The following COPS4 variants were observed in gnomAD, a reference collection of about 807,000 sequenced individuals.
COPS4 encodes COP9 signalosome subunit 4.
A neutral mutation model predicts 55.1 loss-of-function variants in COPS4; 8 were observed. That is an observed-to-expected ratio of 0.15 (90% confidence interval 0.09 to 0.26). COPS4 has a LOEUF of 0.26. COPS4 is among the 10% of genes least tolerant of loss of function. The probability of loss-of-function intolerance (pLI) is 1.00; values close to 1 mark genes in which losing one functional copy is unlikely to be tolerated. For synonymous variants in COPS4, 185 were observed against 165.7 expected (o/e 1.12, Z -0.90); for missense variants, 248 against 484.0 (o/e 0.51, Z 4.58).
Position 83,045,797 on chromosome 4 carries a change from A to G in COPS4, c.154+92A>G, listed in dbSNP as rs556820425. The G allele has an allele frequency of 3.2e-5, 23 of 715,376 alleles. No individual in the cohort carries two copies. The Admixed American group carries it at 3.4e-4, about 10-fold the overall frequency. 44.3% of individuals were successfully genotyped at this position (715,376 alleles called of 1,614,324 possible). The stretch of plus-strand genomic sequence containing the variant: ...CCTTGTTTTGTATCAAATTATCAAT[A>G]TTAAATATGCATTGAGATTGATTGA... On this transcript the variant is annotated intron_variant, in intron 2 of 9. Coordinates refer to ENST00000264389, the MANE Select transcript of COPS4 (RefSeq NM_016129.3).
intron 2 of COPS4, among the ~76,000 whole-genome samples, chr4:83,048,866 C>G (rs531189739): frequency 6.6e-6 from 1 of 151,986 alleles, no homozygotes; most frequent in Non-Finnish European, 1.5e-5. Context: ...AGGCTGGTCT[C>G]GAACTCCTGA....
intron 9 of COPS4, among the ~76,000 whole-genome samples, chr4:83,070,232 A>G (rs1362356737): frequency 1.3e-5 from 2 of 152,188 alleles, no homozygotes; most frequent in Admixed American, 6.5e-5. Flanking sequence ...GCTTAATCCT[A>G]GACCTTTCCC....
chr4:83,073,970 G>C (rs1208885222), intron 9 of COPS4, among the ~76,000 whole-genome samples: 1 of 136,462 alleles, frequency 7.3e-6, no homozygotes, highest in African/African-American at 2.7e-5. Context: ...AAAAAAAAAA[G>C]ATTTTATAGG....
chr4:83,069,236 T>A (rs1435810090), intron 9 of COPS4, among the ~76,000 whole-genome samples: 1 of 152,108 alleles, frequency 6.6e-6, no homozygotes, highest in African/African-American at 2.4e-5. Flanking sequence ...CCCACCTCAT[T>A]TACACCCTGG....
intron 6 of COPS4, among the ~76,000 whole-genome samples, chr4:83,059,320 C>G (rs1476603626): frequency 2.6e-5 from 4 of 151,986 alleles, no homozygotes; most frequent in Non-Finnish European, 5.9e-5. Flanking sequence ...TTAGACAAGT[C>G]TTCCCTACTC....
chr4:83,059,472 G>A (rs944084107), intron 6 of COPS4, among the ~76,000 whole-genome samples: 1 of 151,760 alleles, frequency 6.6e-6, no homozygotes, highest in Non-Finnish European at 1.5e-5. Flanking sequence ...TCTATCTACT[G>A]ATTATTAGAA....
chr4:83,052,091 A>G (rs1188895287), intron 4 of COPS4, among the ~76,000 whole-genome samples: 1 of 152,206 alleles, frequency 6.6e-6, no homozygotes, highest in East Asian at 1.9e-4. Flanking sequence ...TTGTGAAATG[A>G]TAGTGAAAGC....
chr4:83,067,524 C>CT (rs34638314), intron 8 of COPS4, among the ~76,000 whole-genome samples: 1,545 of 129,766 alleles, frequency 0.012, 9 homozygotes, highest in South Asian at 0.017. Context: ...ACGCCCAGCC[C>CT]TTTTTTTTTT....
chr4:83,061,271 G>A (rs1731159567), intron 6 of COPS4, among the ~76,000 whole-genome samples: 1 of 151,898 alleles, frequency 6.6e-6, no homozygotes, highest in Admixed American at 6.6e-5. Context: ...TTCACAAACT[G>A]AACACCTCCA....
intron 3 of COPS4, 41 bp from the exon 4 acceptor site, chr4:83,049,840 T>C (rs968197608): frequency 1.8e-6 from 2 of 1,128,340 alleles, no homozygotes; most frequent in African/African-American, 1.6e-5. Context: ...TAGTTACTAA[T>C]GTCAGTTGAA....
At chr4:83,041,912 T>C (rs1248750659) in intron 1 of COPS4, among the ~76,000 whole-genome samples, 1 of 151,936 alleles carries the variant, frequency 6.6e-6, no homozygotes, top group Admixed American at 6.6e-5. Flanking sequence ...TCACCCAGGC[T>C]GAAGTGCAGC....
In COPS4 at chr4:83,057,336, A is replaced by G; in HGVS notation, c.643A>G (p.Thr215Ala). Reference sequence around the variant, plus strand: ...AAGGTACAATGAGCTCTCTTACAAGACAATAGTCCACGAAAGTGAAAGACT... The same window carrying G: ...AAGGTACAATGAGCTCTCTTACAAGGCAATAGTCCACGAAAGTGAAAGACT... ...AQRYNELSYK[T>A]IVHESERLEA... Residue 215 changes from threonine to alanine, a missense_variant, in exon 6 of 10, where the codon ACA becomes GCA. Thr to Ala is a moderately conservative substitution (Grantham distance 58). Coordinates refer to ENST00000264389, the MANE Select transcript of COPS4 (RefSeq NM_016129.3). 6.2e-7 allele frequency: 1 copy of G among 1,613,496 alleles called. No individual in the cohort carries two copies. The highest frequency in any genetic ancestry group is 8.5e-7 in the Non-Finnish European group (1 of 1,179,752).
chr4:83,068,589 A>T (rs1731346570), intron 9 of COPS4, 67 bp downstream of exon 9: 1 of 972,336 alleles, frequency 1.0e-6, no homozygotes, highest in Admixed American at 1.9e-5. Context: ...TGATTAAAAC[A>T]TGTTGGACAG....
chr4:83,054,352 CA>C (rs1730964079), intron 4 of COPS4, among the ~76,000 whole-genome samples: 2 of 151,932 alleles, frequency 1.3e-5, no homozygotes. Context: ...AAAAACAAAA[CA>C]AAACAAAACA....
At position 83,072,401 on chromosome 4, in the gene COPS4, G is replaced by A. The variant is rs560584930; in HGVS notation, c.1088-2896G>A. Among the ~76,000 whole-genome samples the A allele has an allele frequency of 9.9e-5, 15 of 152,168 alleles. No individual in the cohort carries two copies. In the South Asian group the frequency reaches 2.5e-3, roughly 25 times the overall value. ...AGGCATGAGCCACTGCACTGCACCC[G>A]GCCGAATTCTGTCAGGTTTTCTTCT... On this transcript the variant is annotated intron_variant, in intron 9 of 9. Transcript: ENST00000264389.
At chr4:83,035,482 G>C in intron 1 of COPS4, 184 bp downstream of exon 1, 3 of 422,422 alleles carry the variant, frequency 7.1e-6, no homozygotes, top group Non-Finnish European at 1.4e-5. Flanking sequence ...AGGGGACCTT[G>C]TGCAGGGGCC....
chr4:83,054,854 T>C (rs1258748993), intron 4 of COPS4, among the ~76,000 whole-genome samples: 6 of 152,222 alleles, frequency 3.9e-5, no homozygotes, highest in African/African-American at 1.4e-4. Context: ...ATGTAGACTT[T>C]GGATAAATGG....
In COPS4 at chr4:83,044,301, C is replaced by T. The variant is rs544925256; in HGVS notation, c.75-1325C>T. Among the ~76,000 whole-genome samples the T allele has an allele frequency of 5.9e-5, 9 of 151,632 alleles. No homozygotes were observed. In the South Asian group the frequency reaches 6.2e-4, roughly 11 times the overall value. On this transcript the variant is annotated intron_variant, in intron 1 of 9. Coordinates refer to ENST00000264389, the MANE Select transcript of COPS4 (RefSeq NM_016129.3). ...CTCTACCAAAAATACAAAAATTAGC[C>T]GCACTTGGTGGTGCATGCCTGTAGT...
chr4:83,042,735 T>C (rs1730600532), intron 1 of COPS4, among the ~76,000 whole-genome samples: 1 of 152,084 alleles, frequency 6.6e-6, no homozygotes, highest in Non-Finnish European at 1.5e-5. Context: ...CCCAAGTAGC[T>C]GGCACCACAG....
Sources: gnomAD v4.1 joint callset for allele counts (sites outside exome capture counted in the v4.1 genomes callset) on GRCh38, gnomAD v4.1.1 for gene constraint, MANE v1.5 for transcripts, NCBI Gene and HGNC (gene_info 2026-07-23, HGNC 2026-07-21) for gene names.